Variants in SRPRB observed in about 807,000 individuals in gnomAD.
SRPRB encodes signal recognition particle receptor subunit beta.
In SRPRB, 20 loss-of-function variants were observed where a neutral mutation model predicts 31.9. That is an observed-to-expected ratio of 0.63 (90% CI 0.44 to 0.91). The LOEUF (loss-of-function observed/expected upper bound fraction) is 0.91. SRPRB is among the 40% of genes least tolerant of loss of function. The pLI is 0.00. For synonymous variants in SRPRB, 146 were observed against 132.8 expected (o/e 1.10, Z -0.68); for missense variants, 321 against 324.9 (o/e 0.99, Z 0.09).
At chr3:133,796,572 ATGCTCAAGCCCTC>A in intron 1 of SRPRB, 1 of 152,218 alleles carries the variant, frequency 6.6e-6, no homozygotes, top group Non-Finnish European at 1.5e-5. Context: ...TTGAGCCCCT[ATGCTCAAGCCCTC>A]TGCCACCCTG....
chr3:133,789,282 TGCATGTATCCAG>T (rs1934768912), intron 1 of SRPRB: 2 of 152,314 alleles, frequency 1.3e-5, no homozygotes, highest in Admixed American at 1.3e-4. Flanking sequence ...GGGATGCAGT[TGCATGTATCCAG>T]GCTTTGGTGC....
At chr3:133,785,341 G>A (rs1934641797) in intron 1 of SRPRB, 3 of 117,146 alleles carry the variant, frequency 2.6e-5, no homozygotes, top group Non-Finnish European at 3.6e-5. Flanking sequence ...CCATCCGGGA[G>A]GGAGGTGGGG....
chr3:133,828,105 G>A (rs1443191131), downstream of SRPRB: 2 of 647,296 alleles, frequency 3.1e-6, no homozygotes, highest in East Asian at 5.5e-5. Context: ...GGTGGGAGCA[G>A]TTCCTCTGGG....
downstream of SRPRB, chr3:133,827,141 A>T (rs1385336868): frequency 6.6e-6 from 1 of 152,434 alleles, no homozygotes; most frequent in African/African-American, 2.4e-5. Flanking sequence ...CACAAATATC[A>T]GTCCTGCCAG....
chr3:133,815,087 C>G (rs1028609250), intron 4 of SRPRB, among the ~76,000 whole-genome samples: 1 of 152,154 alleles, frequency 6.6e-6, no homozygotes, highest in Non-Finnish European at 1.5e-5. Context: ...CTGAGTATCC[C>G]TTATCCAAAA....
chr3:133,807,874 G>A (rs752420814), intron 3 of SRPRB, 51 bp downstream of exon 3: 1 of 1,427,962 alleles, frequency 7.0e-7, no homozygotes, highest in African/African-American at 1.4e-5. Context: ...TTACTGTGGT[G>A]TGTCAGTTAA....
At chr3:133,789,878 C>CTT (rs1559884865) in intron 1 of SRPRB, 1 of 52,406 alleles carries the variant, frequency 1.9e-5, no homozygotes, top group Non-Finnish European at 3.3e-5. Flanking sequence ...ATCTCGTTTG[C>CTT]GTTTTTTTTT....
rs781392913 is a variant in SRPRB at position 133,805,826 on chromosome 3, A to G, written c.-23A>G. 1 of 1,595,914 alleles carries G rather than the reference A, an allele frequency of 6.3e-7. No individual in the cohort carries two copies. The highest frequency in any genetic ancestry group is 1.2e-5 in the South Asian group (1 of 86,806). ...TGCAGGGCCACGTCGCTTTTGCTGT[A>G]CCGGGGACCACGCGTCTCATCCATG... On this transcript the variant is annotated 5_prime_UTR_variant, in exon 1 of 7. Coordinates refer to ENST00000678299, the MANE Select transcript of SRPRB (RefSeq NM_001379313.1).
At chr3:133,790,984 A>G (rs1028906689) in intron 1 of SRPRB, 3 of 152,170 alleles carry the variant, frequency 2.0e-5, no homozygotes, top group Admixed American at 6.5e-5. Flanking sequence ...TTTTGCTTCT[A>G]ATTTTCATTT....
Position 133,807,762 on chromosome 3 carries a change from A to G in SRPRB, c.266A>G (p.Tyr89Cys). The G allele has an allele frequency of 6.2e-7, 1 of 1,612,722 alleles. No individual in the cohort carries two copies. The highest frequency in any genetic ancestry group is 8.5e-7 in the Non-Finnish European group (1 of 1,179,560). The change falls in exon 3 of 7, where the codon TAT becomes TGT. Residue 89 changes from tyrosine (Y) to cysteine (C), a missense_variant. Tyr to Cys is a radical substitution (Grantham distance 194). Transcript: ENST00000678299. ...TTTTTACAGTTGTTAACAGGCCTTT[A>G]TAGAGACACTCAGACGTCCATTACT... ...LLFVRLLTGL[Y>C]RDTQTSITDS...
intron 1 of SRPRB, chr3:133,793,561 T>C (rs1321979037): frequency 6.6e-6 from 1 of 152,186 alleles, no homozygotes; most frequent in African/African-American, 2.4e-5. Flanking sequence ...TGTTCCAAAA[T>C]TGTATGAGAT....
At chr3:133,790,288 A>G (rs1455023460) in intron 1 of SRPRB, 1 of 152,202 alleles carries the variant, frequency 6.6e-6, no homozygotes, top group Non-Finnish European at 1.5e-5. Context: ...CCCATATCTG[A>G]TAGTTCAGGA....
intron 1 of SRPRB, 45 bp from the exon 2 acceptor site, chr3:133,806,563 AT>A: frequency 6.6e-7 from 1 of 1,511,964 alleles, no homozygotes; most frequent in Non-Finnish European, 9.2e-7. Flanking sequence ...ACATATACTG[AT>A]TCCCAAGGCG....
At chr3:133,808,814 C>T (rs1376236910) in intron 3 of SRPRB, among the ~76,000 whole-genome samples, 16 of 148,258 alleles carry the variant, frequency 1.1e-4, no homozygotes, top group Middle Eastern at 3.6e-3. Flanking sequence ...CATTTTAACC[C>T]GGGAGGTGGA....
upstream of SRPRB, among the ~76,000 whole-genome samples, chr3:133,802,824 C>A (rs908198302): frequency 6.6e-6 from 1 of 152,092 alleles, no homozygotes; most frequent in African/African-American, 2.4e-5. Context: ...TTAGATTTCC[C>A]AGAAGCACCT....
intron 4 of SRPRB, among the ~76,000 whole-genome samples, chr3:133,814,485 C>T (rs989881611): frequency 6.6e-6 from 1 of 151,506 alleles, no homozygotes; most frequent in Non-Finnish European, 1.5e-5. Context: ...GTCACCCAGG[C>T]TGGAGTGCAG....
chr3:133,827,734 T>A (rs1935588342), downstream of SRPRB: 1 of 556,364 alleles, frequency 1.8e-6, no homozygotes. Flanking sequence ...AGGTGGTGGT[T>A]CTGCAGACAA....
intron 4 of SRPRB, among the ~76,000 whole-genome samples, chr3:133,812,882 G>A (rs1322932217): frequency 1.3e-5 from 2 of 151,840 alleles, no homozygotes; most frequent in African/African-American, 4.8e-5. Flanking sequence ...ATGGTCTTTT[G>A]CTCCCCATTG....
Position 133,812,427 on chromosome 3 carries a change from G to C in SRPRB, c.410+1228G>C, listed in dbSNP as rs373161959. ...AATGTTTTTTCTTTTTCTATTGCCA[G>C]TTCTAAATATTTTATGATTTGCAGT... On this transcript the variant is annotated intron_variant, in intron 4 of 6. Transcript: ENST00000678299. Among the ~76,000 whole-genome samples, 55 of 152,254 alleles carry C rather than the reference G, an allele frequency of 3.6e-4. 1 individual carries two copies. Among genetic ancestry groups the C allele is most frequent in the African/African-American group, 1.3e-3 (52 of 41,554 alleles).
Sources: gnomAD v4.1 joint callset for allele counts (sites outside exome capture counted in the v4.1 genomes callset) on GRCh38, gnomAD v4.1.1 for gene constraint, MANE v1.5 for transcripts, NCBI Gene and HGNC (gene_info 2026-07-23, HGNC 2026-07-21) for gene names.